Variants in RBFOX3 observed in about 807,000 individuals in gnomAD.
RBFOX3 encodes the protein RNA binding protein fox-1 homolog 3.
A neutral mutation model predicts 48.7 loss-of-function variants in RBFOX3; 17 were observed. The ratio of observed to expected loss-of-function variants is 0.35; its 90% confidence interval spans 0.24 to 0.52. The LOEUF (loss-of-function observed/expected upper bound fraction) is 0.52. RBFOX3 is among the 20% of genes least tolerant of loss of function. The pLI, the probability that RBFOX3 is intolerant of heterozygous loss-of-function variation, is 0.94. For missense variants in RBFOX3, 382 were observed against 497.5 expected (o/e 0.77, Z 2.21); for synonymous variants, 212 against 209.5 (o/e 1.01, Z -0.10).
At chr17:79,245,043 C>A (rs982049477) in intron 3 of RBFOX3, among the ~76,000 whole-genome samples, 3 of 149,664 alleles carry the variant, frequency 2.0e-5, no homozygotes, top group Admixed American at 2.0e-4. Context: ...CCCTCCCCTC[C>A]CCTTCCCTCC....
chr17:79,132,373 G>A (rs1242810298), intron 4 of RBFOX3, among the ~76,000 whole-genome samples: 2 of 152,344 alleles, frequency 1.3e-5, no homozygotes, highest in African/African-American at 2.4e-5. Context: ...CGGATGAGCA[G>A]CGGCCTACAG....
rs2078695298 is a variant in RBFOX3, at chr17:79,480,970, T to C, written c.-175+1484A>G. 1.3e-5 allele frequency among the ~76,000 whole-genome samples: 2 copies of C among 152,064 alleles called. No individual in the cohort carries two copies. On this transcript the variant is annotated intron_variant, in intron 2 of 14. Transcript: ENST00000693108. This position sits in a 1 kb window ranked among gnomAD's most constrained non-coding sequence, Gnocchi z 4.8. ...GGCTCAGCACATCGGGGGCTCAAGG[T>C]TGTGGAATGAACAATGTAGGGCAGT... is the stretch of plus-strand genomic sequence containing the variant.
intron 5 of RBFOX3, among the ~76,000 whole-genome samples, chr17:79,114,417 C>A (rs934961161): frequency 6.6e-6 from 1 of 152,164 alleles, no homozygotes; most frequent in Non-Finnish European, 1.5e-5. Flanking sequence ...GGAAAGGCAC[C>A]GCCTGGGTGC....
intron 1 of RBFOX3, among the ~76,000 whole-genome samples, chr17:79,521,833 C>CT (rs1243110396): frequency 7.2e-5 from 11 of 152,204 alleles, no homozygotes; most frequent in African/African-American, 2.2e-4. Context: ...CCTTAAGACA[C>CT]TTTTTTGCTA....
intron 3 of RBFOX3, among the ~76,000 whole-genome samples, chr17:79,255,400 T>C (rs2064653730): frequency 6.6e-6 from 1 of 151,994 alleles, no homozygotes; most frequent in Admixed American, 6.6e-5. Flanking sequence ...GCCCTGCTCT[T>C]CAAAGAAGTG....
chr17:79,295,870 C>A (rs569840509), intron 3 of RBFOX3, among the ~76,000 whole-genome samples: 1 of 152,064 alleles, frequency 6.6e-6, no homozygotes, highest in African/African-American at 2.4e-5. Context: ...CAGTATGTTT[C>A]GGTCTGTCTG....
rs565205947 is a variant in RBFOX3 at position 79,252,078 on chromosome 17, G to A, written c.-73-16273C>T. Among the ~76,000 whole-genome samples, 1 of 152,290 alleles carries A rather than the reference G, an allele frequency of 6.6e-6. No individual in the cohort carries two copies. The highest frequency in any genetic ancestry group is 2.1e-4 in the South Asian group (1 of 4,826). ...CTGACCACGCCTCATGCCTCTGGAAGCACACTTTGTCCTGGGCTGGCCCAC... is the reference window on the plus strand; with the variant it reads ...CTGACCACGCCTCATGCCTCTGGAAACACACTTTGTCCTGGGCTGGCCCAC... On this transcript the variant is annotated intron_variant, in intron 3 of 14. Coordinates refer to ENST00000693108, the MANE Select transcript of RBFOX3 (RefSeq NM_001350451.2). The surrounding 1 kb of genome is among the most constrained non-coding windows in gnomAD (Gnocchi z 4.0).
intron 4 of RBFOX3, among the ~76,000 whole-genome samples, chr17:79,166,875 C>G (rs1018671982): frequency 1.3e-5 from 2 of 152,152 alleles, no homozygotes; most frequent in African/African-American, 4.8e-5. Context: ...TAAAAGTCAC[C>G]GAATTGCACA....
intron 2 of RBFOX3, among the ~76,000 whole-genome samples, chr17:79,444,961 A>T (rs1555737293): frequency 6.6e-6 from 1 of 152,080 alleles, no homozygotes; most frequent in African/African-American, 2.4e-5. Flanking sequence ...AGGCAACCAC[A>T]GATTTTTCTG....
chr17:79,186,375 G>T (rs2053394442), intron 4 of RBFOX3, among the ~76,000 whole-genome samples: 1 of 152,278 alleles, frequency 6.6e-6, no homozygotes, highest in Non-Finnish European at 1.5e-5. Flanking sequence ...GCACCTCAGT[G>T]CTCCGCTGTG....
chr17:79,579,729 C>T (rs945696688), intron 1 of RBFOX3, among the ~76,000 whole-genome samples: 1 of 145,830 alleles, frequency 6.9e-6, no homozygotes, highest in African/African-American at 2.6e-5. Flanking sequence ...GAGTCACTGG[C>T]GCCGTGGTGG....
the RBFOX3 span, among the ~76,000 whole-genome samples, chr17:79,620,516 T>TGCACATGCATACGC: frequency 7.5e-6 from 1 of 133,014 alleles, no homozygotes. Context: ...TGCGCATACG[T>TGCACATGCATACGC]GCACATGCAT....
intron 4 of RBFOX3, among the ~76,000 whole-genome samples, chr17:79,139,878 AG>A (rs1425261956): frequency 6.6e-6 from 1 of 152,190 alleles, no homozygotes; most frequent in Non-Finnish European, 1.5e-5. Flanking sequence ...CATCCCAGCC[AG>A]ACGACGTGGG....
intron 1 of RBFOX3, among the ~76,000 whole-genome samples, chr17:79,542,953 C>A (rs35237675): frequency 0.22 from 32,691 of 151,916 alleles, 4,294 homozygotes; most frequent in East Asian, 0.49. Context: ...AGTTGGCGTA[C>A]ACTTTTCACT....
intron 2 of RBFOX3, among the ~76,000 whole-genome samples, chr17:79,382,543 C>T (rs747073799): frequency 5.3e-5 from 8 of 149,670 alleles, no homozygotes; most frequent in South Asian, 2.1e-4. Context: ...CACGGGCAGG[C>T]GGGGCCCCTG....
intron 4 of RBFOX3, among the ~76,000 whole-genome samples, chr17:79,119,687 A>G (rs1195472065): frequency 6.6e-6 from 1 of 152,186 alleles, no homozygotes; most frequent in Non-Finnish European, 1.5e-5. Context: ...TGGACAGAGG[A>G]AATGCAGAAT....
At chr17:79,536,644 T>C (rs1285120355) in intron 1 of RBFOX3, among the ~76,000 whole-genome samples, 2 of 147,944 alleles carry the variant, frequency 1.4e-5, no homozygotes, top group Non-Finnish European at 3.0e-5. Context: ...CCACAGGGCA[T>C]GCTTGCCCCG....
chr17:79,230,492 C>T lies in RBFOX3; in HGVS notation c.-34+5274G>A, dbSNP rs545954184. On this transcript the variant is annotated intron_variant, in intron 4 of 14. Coordinates refer to ENST00000693108, the MANE Select transcript of RBFOX3 (RefSeq NM_001350451.2). The stretch of plus-strand genomic sequence containing the variant: ...GCCAGGCTGGTCTCGATCTGCTGAC[C>T]TCGTGATCCGCCCGCCTCGGCCTCC... Among the ~76,000 whole-genome samples the T allele has an allele frequency of 6.6e-5, 10 of 151,952 alleles. No homozygotes were observed. The South Asian group carries it at 1.9e-3, about 28-fold the overall frequency.
chr17:79,389,522 T>G (rs1293529493), intron 2 of RBFOX3, among the ~76,000 whole-genome samples: 1 of 152,176 alleles, frequency 6.6e-6, no homozygotes, highest in Non-Finnish European at 1.5e-5. Context: ...ATCAACCTGC[T>G]TTAGTTCCTT....
Sources: allele counts gnomAD v4.1 joint callset (sites outside exome capture counted in the v4.1 genomes callset), GRCh38; gene constraint gnomAD v4.1.1; non-coding constraint Gnocchi (gnomAD v3.1); transcripts MANE v1.5; gene names NCBI Gene and HGNC (gene_info 2026-07-23, HGNC 2026-07-21).